The following SPTB variants were observed in gnomAD, a reference collection of about 807,000 sequenced individuals.
The protein encoded by SPTB is spectrin beta, erythrocytic, also known as spectrin beta chain, erythrocytic.
Under a neutral mutation model 256.2 loss-of-function variants are expected in SPTB, and 45 were observed. The ratio of observed to expected loss-of-function variants is 0.18; its 90% CI spans 0.14 to 0.23. The LOEUF (loss-of-function observed/expected upper bound fraction) is 0.23. Ranked by LOEUF, SPTB falls within the 10% of genes least tolerant of loss-of-function variation. SPTB has a pLI of 1.00. For synonymous variants in SPTB, 1,231 were observed against 1,243.1 expected (o/e 0.99, Z 0.21); for missense variants, 2,715 against 3,040.4 (o/e 0.89, Z 2.52).
intron 1 of SPTB, among the ~76,000 whole-genome samples, chr14:64,855,759 T>G (rs1350872106): frequency 6.6e-6 from 1 of 152,088 alleles, no homozygotes; most frequent in Non-Finnish European, 1.5e-5. Flanking sequence ...GGGGCCAGAG[T>G]GCCTGAGAGC....
intron 29 of SPTB, among the ~76,000 whole-genome samples, chr14:64,768,481 T>C (rs7158780): frequency 0.4 from 27,861 of 70,532 alleles, 3,911 homozygotes; most frequent in African/African-American, 0.57. Context: ...TGATGCTGGA[T>C]GAGTGGCCAG....
At chr14:64,830,334 C>CTTATTA (rs143669491) in intron 1 of SPTB, among the ~76,000 whole-genome samples, 13 of 138,588 alleles carry the variant, frequency 9.4e-5, no homozygotes, top group East Asian at 2.1e-4. Flanking sequence ...ACTCTGGAGT[C>CTTATTA]TTATTATTAT....
rs1041198291 is a variant in SPTB, at chr14:64,802,940, T to C, written c.475-623A>G. Among the ~76,000 whole-genome samples the C allele has an allele frequency of 6.6e-6, 1 of 152,210 alleles. No homozygotes were observed. Among genetic ancestry groups the C allele is most frequent in the Non-Finnish European group, 1.5e-5 (1 of 68,034 alleles). The stretch of plus-strand genomic sequence containing the variant: ...ATGCTGATGAGTACTATACTTTCAT[T>C]AGCAGCTCCTCTTGCCTTTCCATTC... On this transcript the variant is annotated intron_variant, in intron 4 of 35. Coordinates refer to ENST00000644917, the MANE Select transcript of SPTB (RefSeq NM_001355436.2). This position sits in a 1 kb window ranked among gnomAD's most constrained non-coding sequence, Gnocchi z 5.1.
intron 1 of SPTB, among the ~76,000 whole-genome samples, chr14:64,840,976 C>G (rs369702096): frequency 6.6e-5 from 10 of 152,312 alleles, no homozygotes; most frequent in African/African-American, 2.2e-4. Context: ...GTAATTTAAA[C>G]ATTTCTTATC....
intron 1 of SPTB, among the ~76,000 whole-genome samples, chr14:64,846,942 G>A (rs1194162393): frequency 1.3e-5 from 2 of 152,180 alleles, no homozygotes; most frequent in Admixed American, 6.5e-5. Context: ...CATGTGGGAA[G>A]GGAAGGTACC....
chr14:64,752,243 A>C (rs980960610), intron 33 of SPTB: 13 of 1,347,868 alleles, frequency 9.6e-6, no homozygotes, highest in Non-Finnish European at 1.3e-5. Context: ...TTTCTACAGC[A>C]ACAGACTCTG....
At chr14:64,838,803 G>A (rs2083563107) in intron 1 of SPTB, among the ~76,000 whole-genome samples, 1 of 152,112 alleles carries the variant, frequency 6.6e-6, no homozygotes, top group Non-Finnish European at 1.5e-5. Context: ...GGTATTACCT[G>A]AGAGAAATGA....
At chr14:64,861,022 A>AT (rs2083958490) in intron 1 of SPTB, among the ~76,000 whole-genome samples, 1 of 152,238 alleles carries the variant, frequency 6.6e-6, no homozygotes, top group African/African-American at 2.4e-5. Context: ...TGCTGCTATA[A>AT]AAAGGAATGA....
Position 64,775,555 on chromosome 14 carries a change from T to A in SPTB, c.4564-152A>T. The A allele has an allele frequency of 9.3e-7, 1 of 1,073,028 alleles. No homozygotes were observed. Among genetic ancestry groups the A allele is most frequent in the Non-Finnish European group, 1.3e-6 (1 of 764,500 alleles). The allele number at this position is 1,073,028 out of a possible 1,614,324, so 66.5% of individuals were successfully genotyped here. ...ATGGCGATAAGAACTACCAATGACC[T>A]CTTGCGGGCTGCTAAGCACCTCATG... On this transcript the variant is annotated intron_variant, in intron 22 of 35. Transcript: ENST00000644917. This position sits in a 1 kb window ranked among gnomAD's most constrained non-coding sequence, Gnocchi z 5.0.
Position 64,779,077 on chromosome 14 carries a change from T to TAGCAGGCC in SPTB, c.4563+79_4563+80insGGCCTGCT. 1 of 1,110,940 alleles carries TAGCAGGCC rather than the reference T, an allele frequency of 9.0e-7. No individual in the cohort carries two copies. The highest frequency in any genetic ancestry group is 2.5e-5 in the East Asian group (1 of 39,420). The allele number at this position is 1,110,940 out of a possible 1,614,324, so 68.8% of individuals were successfully genotyped here. A position where few individuals can be genotyped will look rare whatever the true frequency, so the allele number is the denominator to read the frequency against. On this transcript the variant is annotated intron_variant, in intron 22 of 35. Transcript: ENST00000644917. This position sits in a 1 kb window ranked among gnomAD's most constrained non-coding sequence, Gnocchi z 4.2. ...TCTGCTGTTGCTAGCCTTCTGCAGG[T>TAGCAGGCC]CAGGGCTGGGCCTACCCCCGTGGGG...
chr14:64,784,508 CAGAAGAG>C, intron 18 of SPTB, 115 bp from the exon 19 acceptor site: 1 of 1,363,864 alleles, frequency 7.3e-7, no homozygotes, highest in Non-Finnish European at 1.0e-6. Context: ...AGTGCAAGCA[CAGAAGAG>C]AACCCATCTG....
At chr14:64,761,699 G>A (rs2082099489) in intron 32 of SPTB, among the ~76,000 whole-genome samples, 1 of 152,174 alleles carries the variant, frequency 6.6e-6, no homozygotes, top group Non-Finnish European at 1.5e-5. Context: ...AGGCTTCCTC[G>A]GGAGCTGTCT....
At chr14:64,765,046 G>A (rs1428429979) in intron 32 of SPTB, among the ~76,000 whole-genome samples, 1 of 142,964 alleles carries the variant, frequency 7.0e-6, no homozygotes, top group Non-Finnish European at 1.5e-5. Flanking sequence ...GTGTGTGCGC[G>A]CGCGCGCGCG....
chr14:64,804,916 G>A lies in SPTB; in HGVS notation c.300+23C>T, dbSNP rs1353857. 0.25 allele frequency: 410,630 copies of A among 1,612,838 alleles called. 53,467 individuals are homozygous for A. Among genetic ancestry groups the A allele is most frequent in the Middle Eastern group, 0.31 (1,775 of 5,672 alleles). On this transcript the variant is annotated intron_variant, in intron 3 of 35. Transcript: ENST00000644917. The stretch of plus-strand genomic sequence containing the variant: ...AAGAGGGGCCGATGGCAGCAGCCCC[G>A]GGGCCCACAGAAGGGACTTTACCAG...
Position 64,758,930 on chromosome 14 carries a change from T to C in SPTB, c.6346-5137A>G, listed in dbSNP as rs2082055527. Among the ~76,000 whole-genome samples, 2 of 141,840 alleles carry C rather than the reference T, an allele frequency of 1.4e-5. No individual in the cohort carries two copies. The highest frequency in any genetic ancestry group is 1.5e-4 in the Admixed American group (2 of 13,772). The allele number at this position is 141,840 out of a possible 152,430, so 93.1% of individuals were successfully genotyped here. ...CATGCCTCTGGGAGGGGTATGTAGG[T>C]AGAATCAACAATGGGGGCCTTATCA... On this transcript the variant is annotated intron_variant, in intron 32 of 35. Coordinates refer to ENST00000644917, the MANE Select transcript of SPTB (RefSeq NM_001355436.2). The surrounding 1 kb of genome is among the most constrained non-coding windows in gnomAD (Gnocchi z 4.6).
rs972929230 is a variant in SPTB at position 64,777,055 on chromosome 14, G to A, written c.4564-1652C>T. Among the ~76,000 whole-genome samples the A allele has an allele frequency of 2.0e-5, 3 of 152,234 alleles. No individual in the cohort carries two copies. Among genetic ancestry groups the A allele is most frequent in the Non-Finnish European group, 4.4e-5 (3 of 68,050 alleles). On this transcript the variant is annotated intron_variant, in intron 22 of 35. Coordinates refer to ENST00000644917, the MANE Select transcript of SPTB (RefSeq NM_001355436.2). The surrounding 1 kb of genome is among the most constrained non-coding windows in gnomAD (Gnocchi z 4.5). ...CAGTGGGATGGAGAATGTCTGCTGC[G>A]ATGTGGCAGGAGCCACTTTAGCTAA...
At chr14:64,789,737 G>A (rs751638933) in intron 15 of SPTB, among the ~76,000 whole-genome samples, 7 of 152,106 alleles carry the variant, frequency 4.6e-5, no homozygotes, top group Non-Finnish European at 7.4e-5. Context: ...AAGTCCTTGG[G>A]GACAAAAATA....
rs926285915 is a variant in SPTB, at chr14:64,792,116, G to A, written c.2667-260C>T. Reference sequence around the variant, plus strand: ...CTTCCTACACGGGCTTCTGGCTCAAGAGAGACATATGAAGGGGAGGGAGGG... The same window carrying A: ...CTTCCTACACGGGCTTCTGGCTCAAAAGAGACATATGAAGGGGAGGGAGGG... On this transcript the variant is annotated intron_variant, in intron 14 of 35. Transcript: ENST00000644917. This position sits in a 1 kb window ranked among gnomAD's most constrained non-coding sequence, Gnocchi z 4.2. Among the ~76,000 whole-genome samples the A allele has an allele frequency of 1.3e-5, 2 of 152,210 alleles. No homozygotes were observed. Among genetic ancestry groups the A allele is most frequent in the African/African-American group, 4.8e-5 (2 of 41,448 alleles).
chr14:64,809,696 G>T (rs962992198), intron 2 of SPTB, among the ~76,000 whole-genome samples: 3 of 152,150 alleles, frequency 2.0e-5, no homozygotes, highest in Non-Finnish European at 2.9e-5. Flanking sequence ...AATCCTAGAG[G>T]CAAAAGGAAG....
Sources: gnomAD v4.1 joint callset for allele counts (sites outside exome capture counted in the v4.1 genomes callset) on GRCh38, gnomAD v4.1.1 for gene constraint, Gnocchi (gnomAD v3.1) non-coding constraint, MANE v1.5 for transcripts, NCBI Gene and HGNC (gene_info 2026-07-23, HGNC 2026-07-21) for gene names.